The following PNPLA1 variants were observed in gnomAD, a reference collection of about 807,000 sequenced individuals.
PNPLA1 encodes patatin like domain 1, omega-hydroxyceramide transacylase.
Under a neutral mutation model 51.7 loss-of-function variants are expected in PNPLA1, and 36 were observed. The observed-to-expected ratio is 0.70, with a 90% CI of 0.53 to 0.92. The LOEUF is 0.92. Ranked by LOEUF, PNPLA1 falls within the 40% of genes least tolerant of loss-of-function variation. The pLI, the probability that PNPLA1 is intolerant of heterozygous loss-of-function variation, is 0.00. For synonymous variants in PNPLA1, 293 were observed against 280.1 expected, an observed-to-expected ratio of 1.05 and a Z score of -0.46; for missense variants, 658 against 682.5, an observed-to-expected ratio of 0.96 and a Z score of 0.40.
chr6:36,261,906 T>C (rs1769657135), intron 1 of PNPLA1, among the ~76,000 whole-genome samples: 1 of 152,234 alleles, frequency 6.6e-6, no homozygotes, highest in Admixed American at 6.5e-5. Context: ...GCTCCATGGA[T>C]GCTGATCTGA....
chr6:36,296,183 G>A (rs1333913137), intron 5 of PNPLA1, among the ~76,000 whole-genome samples: 2 of 152,106 alleles, frequency 1.3e-5, no homozygotes, highest in East Asian at 3.8e-4. Context: ...GGTGGCACAC[G>A]CTTATAGCCC....
At chr6:36,309,497 C>T (rs1413537504) in intron 8 of PNPLA1, among the ~76,000 whole-genome samples, 1 of 152,182 alleles carries the variant, frequency 6.6e-6, no homozygotes, top group Non-Finnish European at 1.5e-5. Flanking sequence ...AGCCCAGGCT[C>T]CAGTTCCTTG....
chr6:36,302,848 G>A (rs989226939), intron 6 of PNPLA1, among the ~76,000 whole-genome samples: 5 of 152,100 alleles, frequency 3.3e-5, no homozygotes, highest in Admixed American at 2.0e-4. Flanking sequence ...ATTTGAGACC[G>A]CTGGGCCAGT....
chr6:36,299,335 G>GTTTTTTTTT (rs767505825), intron 5 of PNPLA1, among the ~76,000 whole-genome samples: 4 of 58,796 alleles, frequency 6.8e-5, no homozygotes, highest in South Asian at 4.9e-4. Context: ...TTTTTTGTCT[G>GTTTTTTTTT]TTTTTTTTTT....
At chr6:36,283,032 A>G (rs1770370299) in intron 1 of PNPLA1, among the ~76,000 whole-genome samples, 1 of 152,132 alleles carries the variant, frequency 6.6e-6, no homozygotes, top group Admixed American at 6.5e-5. Context: ...ATTTTGGAAT[A>G]ATGTCAGCTT....
chr6:36,254,826 C>A (rs1769495955), intron 1 of PNPLA1, among the ~76,000 whole-genome samples: 3 of 152,044 alleles, frequency 2.0e-5, no homozygotes, highest in South Asian at 2.1e-4. Context: ...ATTATCATTT[C>A]TCTCCTTCTG....
chr6:36,294,402 G>A lies in PNPLA1; in HGVS notation c.714+3G>A, dbSNP rs2127346903. The A allele has an allele frequency of 2.5e-6, 4 of 1,613,270 alleles. No homozygotes were observed. The highest frequency in any genetic ancestry group is 3.4e-6 in the Non-Finnish European group (4 of 1,179,342). ...CATTGTTCCCCCCGGACCTGGTGGT[G>A]AGAGGCAGGAGGGGTCTGGGGAGTA... is the stretch of plus-strand genomic sequence containing the variant. On this transcript the variant is annotated splice_donor_region_variant and intron_variant, in intron 4 of 8. Transcript: ENST00000636260. This position sits in a 1 kb window ranked among gnomAD's most constrained non-coding sequence, Gnocchi z 4.2.
At chr6:36,308,482 C>A (rs1257859381) in intron 8 of PNPLA1, 2 of 152,188 alleles carry the variant, frequency 1.3e-5, no homozygotes, top group African/African-American at 2.4e-5. Context: ...CTTCTTATAG[C>A]TTTTTGACTA....
At chr6:36,299,323 GTTTTTTTGTCTGT>G in intron 5 of PNPLA1, among the ~76,000 whole-genome samples, 1 of 89,400 alleles carries the variant, frequency 1.1e-5, no homozygotes, top group African/African-American at 4.2e-5. Context: ...GGTTTTTTTT[GTTTTTTTGTCTGT>G]TTTTTTTTTT....
rs138627201 is a variant in PNPLA1 at position 36,247,934 on chromosome 6, T to G, written c.-81+4673T>G. Among the ~76,000 whole-genome samples the G allele has an allele frequency of 3.5e-3, 527 of 152,268 alleles. 1 individual carries two copies. The highest frequency in any genetic ancestry group is 4.9e-3 in the Non-Finnish European group (332 of 68,032). The stretch of plus-strand genomic sequence containing the variant: ...CTCAGGAATGACCTAACCACTTACC[T>G]CTTCCAAGTTCTGAATTTTACAACA... On this transcript the variant is annotated intron_variant, in intron 1 of 7. Coordinates refer to the PNPLA1 transcript ENST00000312917.
intron 5 of PNPLA1, among the ~76,000 whole-genome samples, chr6:36,299,479 C>T (rs1182543041): frequency 4.6e-5 from 7 of 151,900 alleles, no homozygotes; most frequent in East Asian, 3.9e-4. Context: ...GGACTACAGG[C>T]GCCCGCTACC....
At chr6:36,261,419 T>G (rs1769644880) in intron 1 of PNPLA1, among the ~76,000 whole-genome samples, 1 of 152,172 alleles carries the variant, frequency 6.6e-6, no homozygotes, top group Non-Finnish European at 1.5e-5. Context: ...CTAAAGAGCC[T>G]CTGAGGACAG....
intron 1 of PNPLA1, among the ~76,000 whole-genome samples, chr6:36,285,253 C>T (rs968387077): frequency 6.6e-6 from 1 of 152,186 alleles, no homozygotes; most frequent in African/African-American, 2.4e-5. Flanking sequence ...CTGCTGCGCC[C>T]CCTGCTTCCC....
At chr6:36,269,426 C>T (rs965373690), upstream of PNPLA1, among the ~76,000 whole-genome samples, 1 of 152,204 alleles carries the variant, frequency 6.6e-6, no homozygotes, top group Non-Finnish European at 1.5e-5. Context: ...CTTACCAAAA[C>T]GTCTCTCTGC....
chr6:36,274,463 G>A (rs1195237973), intron 1 of PNPLA1, among the ~76,000 whole-genome samples: 1 of 152,124 alleles, frequency 6.6e-6, no homozygotes, highest in African/African-American at 2.4e-5. Flanking sequence ...CTCATCGTTA[G>A]TTAGAAGCCG....
intron 3 of PNPLA1, among the ~76,000 whole-genome samples, 199 bp from the exon 4 acceptor site, chr6:36,293,991 A>G (rs1251506359): frequency 1.3e-5 from 2 of 152,138 alleles, no homozygotes; most frequent in African/African-American, 2.4e-5. Context: ...CCAGAGGCCA[A>G]TGCAGACTCA....
At chr6:36,289,127 C>A (rs909498110) in intron 1 of PNPLA1, among the ~76,000 whole-genome samples, 15 of 152,130 alleles carry the variant, frequency 9.9e-5, no homozygotes, top group Admixed American at 7.9e-4. Flanking sequence ...TAATTTTTTT[C>A]TTTCTGCTTA....
chr6:36,283,489 A>G (rs1326942950), intron 1 of PNPLA1, among the ~76,000 whole-genome samples: 1 of 152,084 alleles, frequency 6.6e-6, no homozygotes, highest in Non-Finnish European at 1.5e-5. Context: ...TCCTTACGAA[A>G]TCACCACGTA....
intron 1 of PNPLA1, among the ~76,000 whole-genome samples, chr6:36,289,378 C>G (rs1770604583): frequency 6.6e-6 from 1 of 152,164 alleles, no homozygotes; most frequent in South Asian, 2.1e-4. Flanking sequence ...GATCCAACAC[C>G]TTGGTATCCA....
Sources: gnomAD v4.1 joint callset for allele counts (sites outside exome capture counted in the v4.1 genomes callset) on GRCh38, gnomAD v4.1.1 for gene constraint, Gnocchi (gnomAD v3.1) non-coding constraint, MANE v1.5 for transcripts, NCBI Gene and HGNC (gene_info 2026-07-23, HGNC 2026-07-21) for gene names.